Variants in SLCO1B3 observed in about 807,000 individuals in gnomAD.
The protein encoded by SLCO1B3 is liver-specific organic anion transporter 2.
SLCO1B3 carries 72 observed loss-of-function variants against 71.8 expected under a neutral mutation model. The ratio of observed to expected loss-of-function variants is 1.00; its 90% CI spans 0.83 to 1.22. The LOEUF is 1.22. Among genes scored for constraint, SLCO1B3 ranks in the 50% most tolerant of loss-of-function variants. The probability of loss-of-function intolerance (pLI) is 0.00; values close to 1 mark genes in which losing one functional copy is unlikely to be tolerated. For synonymous variants in SLCO1B3, 298 were observed against 278.4 expected, an observed-to-expected ratio of 1.07 and a Z score of -0.70; for missense variants, 911 against 819.7, an observed-to-expected ratio of 1.11 and a Z score of -1.36.
At chr12:20,810,878 T>C (rs1340820197) in intron 1 of SLCO1B3, 114 bp downstream of exon 1, 2 of 152,218 alleles carry the variant, frequency 1.3e-5, no homozygotes, top group African/African-American at 2.4e-5. Context: ...TTTTATGCTC[T>C]GTGTCTTCTC....
intron 3 of SLCO1B3, among the ~76,000 whole-genome samples, chr12:20,821,558 A>G (rs997272328): frequency 6.6e-6 from 1 of 152,002 alleles, no homozygotes; most frequent in Non-Finnish European, 1.5e-5. Context: ...GGGTTGGGGC[A>G]CGGAAATAAG....
chr12:20,821,341 A>G (rs1434422917), intron 3 of SLCO1B3, among the ~76,000 whole-genome samples: 2 of 152,176 alleles, frequency 1.3e-5, no homozygotes, highest in African/African-American at 2.4e-5. Context: ...ACTGGGGTCA[A>G]GCGGCATTGC....
At chr12:20,816,009 A>C (rs1266636564) in intron 3 of SLCO1B3, among the ~76,000 whole-genome samples, 187 bp downstream of exon 3, 1 of 152,152 alleles carries the variant, frequency 6.6e-6, no homozygotes, top group Admixed American at 6.5e-5. Flanking sequence ...GATTGAAGTT[A>C]TTTCTTTGCT....
intron 3 of SLCO1B3, among the ~76,000 whole-genome samples, chr12:20,832,295 A>G (rs17674149): frequency 0.037 from 5,565 of 152,054 alleles, 136 homozygotes; most frequent in East Asian, 0.09. Context: ...TAGATTACAA[A>G]CCCATTTAAA....
At chr12:20,875,515 A>C in intron 9 of SLCO1B3, 38 bp downstream of exon 9, 1 of 1,576,570 alleles carries the variant, frequency 6.3e-7, no homozygotes, top group Non-Finnish European at 8.6e-7. Context: ...TGGAATTGTT[A>C]ATCTCAATGA....
chr12:20,860,599 T>TGTGTGTG (rs1555156228), intron 5 of SLCO1B3, among the ~76,000 whole-genome samples: 3,525 of 146,680 alleles, frequency 0.024, 79 homozygotes, highest in East Asian at 0.1. Context: ...GTCAAGCACT[T>TGTGTGTG]TGTGTGTGTG....
intron 3 of SLCO1B3, among the ~76,000 whole-genome samples, chr12:20,831,971 C>T (rs952999847): frequency 6.6e-6 from 1 of 152,136 alleles, no homozygotes; most frequent in African/African-American, 2.4e-5. Flanking sequence ...ATGAAAAAAA[C>T]CTAGGTATGG....
intron 3 of SLCO1B3, among the ~76,000 whole-genome samples, chr12:20,850,877 C>A (rs1865015012): frequency 6.6e-6 from 1 of 152,108 alleles, no homozygotes; most frequent in Non-Finnish European, 1.5e-5. Context: ...TGAGAAATTG[C>A]CAAAGTGCTT....
chr12:20,853,006 CATTA>C (rs1865054775), intron 3 of SLCO1B3, among the ~76,000 whole-genome samples: 1 of 151,980 alleles, frequency 6.6e-6, no homozygotes, highest in African/African-American at 2.4e-5. Context: ...GTTTTTTCTG[CATTA>C]ATTGAGATGA....
intron 3 of SLCO1B3, among the ~76,000 whole-genome samples, chr12:20,820,632 C>T (rs1276693009): frequency 2.6e-5 from 4 of 152,048 alleles, no homozygotes; most frequent in South Asian, 4.2e-4. Context: ...TTAATTAAGT[C>T]CTGTTATGGG....
intron 3 of SLCO1B3, among the ~76,000 whole-genome samples, chr12:20,841,316 A>C (rs1244922031): frequency 1.3e-5 from 2 of 152,154 alleles, no homozygotes; most frequent in Non-Finnish European, 2.9e-5. Flanking sequence ...TCTTTTCTGC[A>C]AAAGTAGCAC....
chr12:20,894,373 G>A (rs555157788), intron 13 of SLCO1B3, among the ~76,000 whole-genome samples: 2 of 152,266 alleles, frequency 1.3e-5, no homozygotes, highest in South Asian at 2.1e-4. Context: ...GCATGTGGAT[G>A]TAGGGGTGAG....
intron 4 of SLCO1B3, among the ~76,000 whole-genome samples, chr12:20,856,726 AT>A (rs1208375443): frequency 3.9e-5 from 6 of 152,084 alleles, no homozygotes. Flanking sequence ...CATCCGGCTA[AT>A]TTTCGTATTT....
chr12:20,818,688 C>T (rs182906697), intron 3 of SLCO1B3, among the ~76,000 whole-genome samples: 271 of 152,280 alleles, frequency 1.8e-3, no homozygotes, highest in African/African-American at 6.3e-3. Context: ...TTCTAAGAGG[C>T]GGGCTAGTGG....
At chr12:20,862,269 A>G (rs574067495) in intron 6 of SLCO1B3, 143 bp from the exon 7 acceptor site, 31 of 982,904 alleles carry the variant, frequency 3.2e-5, no homozygotes, top group Non-Finnish European at 4.1e-5. Context: ...CTTATTTTCA[A>G]ACTTTGTAAA....
intron 8 of SLCO1B3, among the ~76,000 whole-genome samples, chr12:20,874,955 G>A (rs1408450637): frequency 6.6e-6 from 1 of 152,112 alleles, no homozygotes; most frequent in African/African-American, 2.4e-5. Flanking sequence ...GATGACAGCT[G>A]TCCAGTCATG....
At chr12:20,906,421 G>T (rs1285626358) in intron 15 of SLCO1B3, among the ~76,000 whole-genome samples, 2 of 152,100 alleles carry the variant, frequency 1.3e-5, no homozygotes, top group African/African-American at 2.4e-5. Context: ...TGTAATATTG[G>T]ATCATGACAT....
intron 4 of SLCO1B3, among the ~76,000 whole-genome samples, chr12:20,856,524 G>C (rs1865140810): frequency 6.6e-6 from 1 of 152,068 alleles, no homozygotes; most frequent in African/African-American, 2.4e-5. Context: ...CATACAGGAG[G>C]ATGTTGATAG....
intron 3 of SLCO1B3, among the ~76,000 whole-genome samples, chr12:20,825,019 G>A (rs1023097682): frequency 3.9e-5 from 6 of 152,044 alleles, no homozygotes; most frequent in African/African-American, 1.2e-4. Context: ...CAAACAATGA[G>A]CCCTAAGAGA....
Sources: gnomAD v4.1 joint callset for allele counts (sites outside exome capture counted in the v4.1 genomes callset) on GRCh38, gnomAD v4.1.1 for gene constraint, MANE v1.5 for transcripts, NCBI Gene and HGNC (gene_info 2026-07-23, HGNC 2026-07-21) for gene names.